The following FAT3 variants were observed in gnomAD, a reference collection of about 807,000 sequenced individuals.
FAT3 encodes protocadherin Fat 3.
FAT3 carries 95 observed loss-of-function variants against 310.2 expected under a neutral mutation model. The observed-to-expected ratio is 0.31, with a 90% CI of 0.26 to 0.36. The LOEUF is 0.36. Among genes scored for constraint, FAT3 ranks in the 10% least tolerant of loss-of-function variants. FAT3 has a pLI of 1.00. For missense variants in FAT3, 5,408 were observed against 5,715.6 expected (o/e 0.95, Z 1.74); for synonymous variants, 2,314 against 2,192.9 (o/e 1.06, Z -1.54).
intron 3 of FAT3, among the ~76,000 whole-genome samples, chr11:92,639,725 T>A (rs546040826): frequency 1.3e-5 from 2 of 152,354 alleles, no homozygotes; most frequent in South Asian, 4.1e-4. Context: ...GTGATTTTCA[T>A]CCTTTACTAG....
chr11:92,404,773 T>A (rs1316158338), intron 2 of FAT3, among the ~76,000 whole-genome samples: 2 of 151,868 alleles, frequency 1.3e-5, no homozygotes, highest in African/African-American at 4.8e-5. Flanking sequence ...CCATTGTGGG[T>A]GAGTATCACT....
chr11:92,723,498 C>T (rs552516482), intron 4 of FAT3, among the ~76,000 whole-genome samples: 1 of 152,182 alleles, frequency 6.6e-6, no homozygotes, highest in African/African-American at 2.4e-5. Context: ...TTGTTCCAAC[C>T]TCTGCCTGTT....
At chr11:92,818,617 T>A (rs1947883911) in intron 13 of FAT3, among the ~76,000 whole-genome samples, 1 of 152,164 alleles carries the variant, frequency 6.6e-6, no homozygotes, top group Admixed American at 6.5e-5. Context: ...ACTGGATTGA[T>A]CAAGAGCTCA....
At chr11:92,762,387 A>G (rs570739735) in intron 5 of FAT3, among the ~76,000 whole-genome samples, 1 of 152,312 alleles carries the variant, frequency 6.6e-6, no homozygotes, top group East Asian at 1.9e-4. Context: ...GTGTCCTGTC[A>G]GCATTTTCCC....
chr11:92,799,977 G>T lies in FAT3; in HGVS notation c.6964G>T (p.Val2322Leu). The T allele has an allele frequency of 2.5e-6, 4 of 1,613,430 alleles. No individual in the cohort carries two copies. Among genetic ancestry groups the T allele is most frequent in the Non-Finnish European group, 3.4e-6 (4 of 1,179,666 alleles). Residue 2322 changes from valine (V) to leucine (L), a missense_variant, in exon 10 of 28, where the codon GTA (valine) becomes TTA (leucine). Physicochemically the swap from Val to Leu is conservative, Grantham distance 32. Transcript: ENST00000525166. ...IDADSENNKMVHYQIVQDTYN... is the reference protein window; with the variant it reads ...IDADSENNKMLHYQIVQDTYN... ...TGCAGACTCAGAAAACAATAAAATG[G>T]TACATTATCAGATTGTCCAGGATAC...
At chr11:92,367,645 C>CA (rs796613900) in intron 2 of FAT3, among the ~76,000 whole-genome samples, 37 of 150,436 alleles carry the variant, frequency 2.5e-4, no homozygotes, top group South Asian at 1.5e-3. Context: ...AAAACAACAA[C>CA]AAAAAAAAAC....
intron 1 of FAT3, among the ~76,000 whole-genome samples, chr11:92,254,902 C>T (rs1201040062): frequency 2.6e-5 from 4 of 151,714 alleles, no homozygotes; most frequent in African/African-American, 4.9e-5. Flanking sequence ...GATCGGTTTT[C>T]ACCGTGTTAG....
chr11:92,312,648 T>C (rs1947339781), intron 1 of FAT3, among the ~76,000 whole-genome samples: 1 of 152,114 alleles, frequency 6.6e-6, no homozygotes, highest in Non-Finnish European at 1.5e-5. Flanking sequence ...TTGAAAACAT[T>C]CTCTTTTTGT....
At chr11:92,659,825 AT>A (rs1942716033) in intron 3 of FAT3, among the ~76,000 whole-genome samples, 1 of 152,192 alleles carries the variant, frequency 6.6e-6, no homozygotes, top group Non-Finnish European at 1.5e-5. Context: ...TGCCAAGAGC[AT>A]CTCAGGAAAC....
intron 3 of FAT3, among the ~76,000 whole-genome samples, chr11:92,634,619 T>G (rs901339864): frequency 2.6e-5 from 4 of 152,162 alleles, no homozygotes; most frequent in Non-Finnish European, 5.9e-5. Context: ...GGTACTGAGA[T>G]CCTCTGCAGG....
chr11:92,243,498 C>T (rs1297600414), intron 1 of FAT3, among the ~76,000 whole-genome samples: 2 of 151,766 alleles, frequency 1.3e-5, no homozygotes. Flanking sequence ...GTTTTAGAAA[C>T]TTGTCTTTTT....
At chr11:92,823,813 C>T (rs1474372670) in intron 13 of FAT3, among the ~76,000 whole-genome samples, 1 of 152,156 alleles carries the variant, frequency 6.6e-6, no homozygotes, top group Non-Finnish European at 1.5e-5. Flanking sequence ...TTAAAAGGCA[C>T]TTAAAACAGA....
In FAT3 at chr11:92,798,742, C is replaced by T; in HGVS notation, c.5729C>T (p.Pro1910Leu). The T allele has an allele frequency of 6.2e-7, 1 of 1,613,868 alleles. No homozygotes were observed. The highest frequency in any genetic ancestry group is 8.5e-7 in the Non-Finnish European group (1 of 1,179,856). Residue 1910 changes from proline to leucine, a missense_variant, in exon 10 of 28, where the codon CCT becomes CTT. Physicochemically the swap from Pro to Leu is moderately conservative, Grantham distance 98 (BLOSUM62 -3). Coordinates refer to ENST00000525166, the MANE Select transcript of FAT3 (RefSeq NM_001367949.2). ...VEVLKVSATDPDSEVPPELTY... is the reference protein window; with the variant it reads ...VEVLKVSATDLDSEVPPELTY... ...GTTCTGAAAGTTAGTGCCACAGATC[C>T]TGACTCTGAGGTACCCCCTGAACTG...
chr11:92,329,105 T>TC (rs397766261), intron 1 of FAT3, among the ~76,000 whole-genome samples: 19 of 151,930 alleles, frequency 1.3e-4, no homozygotes, highest in African/African-American at 4.6e-4. Flanking sequence ...TTTTTTTTTT[T>TC]CAATACCATA....
chr11:92,493,788 G>T (rs1952673952), intron 2 of FAT3, among the ~76,000 whole-genome samples: 1 of 151,970 alleles, frequency 6.6e-6, no homozygotes, highest in Admixed American at 6.6e-5. Flanking sequence ...GAAGGCTAGT[G>T]GTAACAATGC....
chr11:92,438,271 T>C (rs1221010528), intron 2 of FAT3, among the ~76,000 whole-genome samples: 1 of 152,224 alleles, frequency 6.6e-6, no homozygotes. Context: ...TTGTGATCTA[T>C]GATTTTAAGT....
chr11:92,422,150 A>T (rs1167036719), intron 2 of FAT3, among the ~76,000 whole-genome samples: 1 of 152,156 alleles, frequency 6.6e-6, no homozygotes, highest in African/African-American at 2.4e-5. Context: ...CCTATACTCC[A>T]CAAGTCTTTG....
rs1382369113 is a variant in FAT3, at chr11:92,561,522, G to A, written c.3607+36574G>A. Among the ~76,000 whole-genome samples the A allele has an allele frequency of 2.6e-5, 4 of 152,148 alleles. No individual in the cohort carries two copies. In the East Asian group the frequency reaches 7.7e-4, roughly 29 times the overall value. On this transcript the variant is annotated intron_variant, in intron 3 of 27. Transcript: ENST00000525166. ...AAAAATCTTGTCTTTCGTACTTCTT[G>A]TGACTTCCTTCTTTCGTTTTCTCAG...
In FAT3 at chr11:92,883,765, AGTGT is replaced by A. The variant is rs374834510; in HGVS notation, c.12937+381_12937+384del. On this transcript the variant is annotated intron_variant, in intron 24 of 27. Transcript: ENST00000525166. This position sits in a 1 kb window ranked among gnomAD's most constrained non-coding sequence, Gnocchi z 4.2. ...CTAGTTATTGTGTATAAATTATAAT[AGTGT>A]GTGTGTGTCTGGGCCTATGTACAAA... is the stretch of plus-strand genomic sequence containing the variant. 6.6e-6 allele frequency among the ~76,000 whole-genome samples: 1 copy of A among 152,150 alleles called. No individual in the cohort carries two copies. The highest frequency in any genetic ancestry group is 1.5e-5 in the Non-Finnish European group (1 of 68,040).
Sources: gnomAD v4.1 joint callset for allele counts (sites outside exome capture counted in the v4.1 genomes callset) on GRCh38, gnomAD v4.1.1 for gene constraint, Gnocchi (gnomAD v3.1) non-coding constraint, MANE v1.5 for transcripts, NCBI Gene and HGNC (gene_info 2026-07-23, HGNC 2026-07-21) for gene names.